Variants in RAB31 observed in about 807,000 individuals in gnomAD.
RAB31 encodes RAB31, member RAS oncogene family.
A neutral mutation model predicts 25.6 loss-of-function variants in RAB31; 21 were observed. That is an observed-to-expected ratio of 0.82 (90% CI 0.58 to 1.18). The LOEUF (loss-of-function observed/expected upper bound fraction) is 1.18, where lower values mean the gene tolerates loss of function less well. Among genes scored for constraint, RAB31 ranks in the 50% most tolerant of loss-of-function variants. The pLI is 0.00. For synonymous variants in RAB31, 87 were observed against 84.0 expected (o/e 1.04, Z -0.20); for missense variants, 196 against 250.1 (o/e 0.78, Z 1.46).
intron 6 of RAB31, among the ~76,000 whole-genome samples, chr18:9,857,403 C>A (rs2068821828): frequency 6.6e-6 from 1 of 152,062 alleles, no homozygotes; most frequent in Non-Finnish European, 1.5e-5. Flanking sequence ...TTTGTCAGGG[C>A]CCAGCGCATA....
In RAB31 at chr18:9,766,941, A is replaced by C. The variant is rs2068319351; in HGVS notation, c.40-8337A>C. 6.6e-6 allele frequency among the ~76,000 whole-genome samples: 1 copy of C among 152,230 alleles called. No individual in the cohort carries two copies. Among genetic ancestry groups the C allele is most frequent in the Non-Finnish European group, 1.5e-5 (1 of 68,038 alleles). ...CACTGTAATCCAGCCTGGGTGACAG[A>C]GTGAGATCTTGTCTCAAAACAAACA... On this transcript the variant is annotated intron_variant, in intron 1 of 6. Coordinates refer to ENST00000578921, the MANE Select transcript of RAB31 (RefSeq NM_006868.4). This position sits in a 1 kb window ranked among gnomAD's most constrained non-coding sequence, Gnocchi z 4.3.
intron 5 of RAB31, among the ~76,000 whole-genome samples, chr18:9,816,433 A>G (rs1319135559): frequency 6.6e-6 from 1 of 152,216 alleles, no homozygotes; most frequent in Non-Finnish European, 1.5e-5. Flanking sequence ...TATTTTCATT[A>G]TGACTACTAG....
At chr18:9,796,900 T>C (rs1209321121) in intron 3 of RAB31, among the ~76,000 whole-genome samples, 3 of 152,110 alleles carry the variant, frequency 2.0e-5, no homozygotes, top group Non-Finnish European at 4.4e-5. Context: ...AATGCTAAAG[T>C]AAATATTAAT....
intron 5 of RAB31, among the ~76,000 whole-genome samples, chr18:9,844,273 G>A (rs978845778): frequency 6.6e-6 from 1 of 152,080 alleles, no homozygotes; most frequent in African/African-American, 2.4e-5. Context: ...CTCTCCATTC[G>A]GGCCCGTGTC....
At position 9,832,016 on chromosome 18, in the gene RAB31, C is replaced by T. The variant is rs576326487; in HGVS notation, c.381-13566C>T. ...TCAGCTGTTACTGGCCCCCTGTGGACGGCAGTGCTAGTGATGGACAGAATC... is the reference window on the plus strand; with the variant it reads ...TCAGCTGTTACTGGCCCCCTGTGGATGGCAGTGCTAGTGATGGACAGAATC... On this transcript the variant is annotated intron_variant, in intron 5 of 6. Transcript: ENST00000578921. 7.9e-5 allele frequency among the ~76,000 whole-genome samples: 12 copies of T among 152,282 alleles called. No individual in the cohort carries two copies. In the South Asian group the frequency reaches 1.5e-3, roughly 18 times the overall value.
chr18:9,823,853 C>A (rs1156272684), intron 5 of RAB31, among the ~76,000 whole-genome samples: 2 of 152,136 alleles, frequency 1.3e-5, no homozygotes, highest in Non-Finnish European at 2.9e-5. Context: ...AAGGGGAAGA[C>A]TGCTGCCTGG....
chr18:9,814,601 T>C (rs557228661), intron 4 of RAB31: 140 of 158,784 alleles, frequency 8.8e-4, no homozygotes, highest in African/African-American at 2.7e-3. Context: ...TACTTTTTTT[T>C]CTCTGGAGTG....
chr18:9,798,339 G>A (rs1437690485), intron 3 of RAB31, among the ~76,000 whole-genome samples: 2 of 148,840 alleles, frequency 1.3e-5, no homozygotes, highest in Non-Finnish European at 2.9e-5. Flanking sequence ...TCCAGTAATG[G>A]CAATTTTTCA....
intron 1 of RAB31, among the ~76,000 whole-genome samples, chr18:9,756,722 A>G (rs1294473608): frequency 2.0e-5 from 3 of 152,204 alleles, no homozygotes; most frequent in African/African-American, 4.8e-5. Flanking sequence ...ACTGTCATCT[A>G]TGATAATGCT....
chr18:9,756,566 A>G (rs1393682355), intron 1 of RAB31, among the ~76,000 whole-genome samples: 1 of 152,170 alleles, frequency 6.6e-6, no homozygotes, highest in East Asian at 1.9e-4. Flanking sequence ...TGGTCTGAGG[A>G]TGCTGACTTT....
intron 1 of RAB31, among the ~76,000 whole-genome samples, chr18:9,750,945 T>C (rs547580161): frequency 5.3e-5 from 8 of 152,194 alleles, no homozygotes; most frequent in Non-Finnish European, 1.0e-4. Flanking sequence ...AGGGTCCAGA[T>C]GGAAACCAGA....
intron 2 of RAB31, among the ~76,000 whole-genome samples, chr18:9,789,469 A>G (rs906299793): frequency 2.6e-5 from 4 of 152,364 alleles, no homozygotes; most frequent in Non-Finnish European, 1.5e-5. Flanking sequence ...CATTGCATAC[A>G]TGTATGTACA....
chr18:9,800,787 T>A (rs76758594), intron 3 of RAB31, among the ~76,000 whole-genome samples: 1 of 138,486 alleles, frequency 7.2e-6, no homozygotes, highest in Admixed American at 7.5e-5. Context: ...CCAGCCCCCC[T>A]TTTTTTTTAT....
rs2068837792 is a variant in RAB31, at chr18:9,859,697, A to G, written c.*372A>G. ...GCATTCCACTTGGATTTCCTGTGCTACCTATCCAAATTCCAGTAACTACTT... is the reference window on the plus strand; with the variant it reads ...GCATTCCACTTGGATTTCCTGTGCTGCCTATCCAAATTCCAGTAACTACTT... On this transcript the variant is annotated 3_prime_UTR_variant, in exon 7 of 7. Coordinates refer to ENST00000578921, the MANE Select transcript of RAB31 (RefSeq NM_006868.4). The G allele has an allele frequency of 6.2e-6, 1 of 161,994 alleles. No homozygotes were observed. The highest frequency in any genetic ancestry group is 1.3e-5 in the Non-Finnish European group (1 of 74,886). The allele number at this position is 161,994 out of a possible 1,614,324, so 10.0% of individuals were successfully genotyped here.
At chr18:9,818,726 A>T (rs2068611485) in intron 5 of RAB31, among the ~76,000 whole-genome samples, 1 of 152,172 alleles carries the variant, frequency 6.6e-6, no homozygotes, top group Non-Finnish European at 1.5e-5. Flanking sequence ...GTGTCACATG[A>T]TAACTCTTTG....
intron 1 of RAB31, among the ~76,000 whole-genome samples, chr18:9,740,574 G>C (rs766123844): frequency 6.6e-6 from 1 of 152,108 alleles, no homozygotes; most frequent in Non-Finnish European, 1.5e-5. Flanking sequence ...TTAGCTGGGC[G>C]TGGTGGCGCA....
At position 9,793,546 on chromosome 18, in the gene RAB31, C is replaced by A. The variant is rs1257768408; in HGVS notation, c.201+1311C>A. Among the ~76,000 whole-genome samples, 3 of 152,014 alleles carry A rather than the reference C, an allele frequency of 2.0e-5. No homozygotes were observed. In the South Asian group the frequency reaches 6.2e-4, roughly 32 times the overall value. On this transcript the variant is annotated intron_variant, in intron 3 of 6. Coordinates refer to ENST00000578921, the MANE Select transcript of RAB31 (RefSeq NM_006868.4). ...GTGTGGTGGTGGGCATCTGTAGTCC[C>A]AGCTACTCGGGAGGCTGAGGCAGGA...
intron 1 of RAB31, among the ~76,000 whole-genome samples, chr18:9,724,118 A>AC (rs2068085452): frequency 6.6e-6 from 1 of 151,286 alleles, no homozygotes; most frequent in South Asian, 2.1e-4. Context: ...AAAAATACAA[A>AC]AAATTAGCCG....
At chr18:9,732,531 G>GTC (rs1443665290) in intron 1 of RAB31, among the ~76,000 whole-genome samples, 3 of 152,168 alleles carry the variant, frequency 2.0e-5, no homozygotes, top group African/African-American at 7.2e-5. Flanking sequence ...AGTGAGGTGG[G>GTC]TCCTGGAACT....
Sources: gnomAD v4.1 joint callset for allele counts (sites outside exome capture counted in the v4.1 genomes callset) on GRCh38, gnomAD v4.1.1 for gene constraint, Gnocchi (gnomAD v3.1) non-coding constraint, MANE v1.5 for transcripts, NCBI Gene and HGNC (gene_info 2026-07-23, HGNC 2026-07-21) for gene names.